The following ARMCX4 variants were observed in gnomAD, a reference collection of about 807,000 sequenced individuals.
ARMCX4 encodes armadillo repeat containing X-linked 4.
A neutral mutation model predicts 34.7 loss-of-function variants in ARMCX4; 3 were observed. The observed-to-expected ratio is 0.09, with a 90% CI of 0.04 to 0.22. The LOEUF (loss-of-function observed/expected upper bound fraction) is 0.22, where lower values mean the gene tolerates loss of function less well. Ranked by LOEUF, ARMCX4 falls within the 10% of genes least tolerant of loss-of-function variation. The pLI is 1.00. For missense variants in ARMCX4, 1,448 were observed against 1,720.8 expected (o/e 0.84, Z 2.81); for synonymous variants, 513 against 632.8 (o/e 0.81, Z 2.84).
chrX:101,466,057 A>G (rs1319786395), intron 4 of ARMCX4, among the ~76,000 whole-genome samples: 3 of 112,163 alleles, frequency 2.7e-5, no homozygotes, highest in Admixed American at 9.5e-5. Flanking sequence ...TGTTAAGGAA[A>G]TGAAAGCTGA....
downstream of ARMCX4, among the ~76,000 whole-genome samples, chrX:101,535,639 A>G (rs1412720679): frequency 1.8e-5 from 2 of 111,540 alleles, no homozygotes; most frequent in Admixed American, 1.9e-4. Context: ...TGGAAAAATG[A>G]CATTTCCAAT....
At chrX:101,431,745 G>A (rs1213320736) in intron 2 of ARMCX4, among the ~76,000 whole-genome samples, 7 of 111,351 alleles carry the variant, frequency 6.3e-5, no homozygotes, top group African/African-American at 1.3e-4. Flanking sequence ...GGGTTTCATT[G>A]TGTTAGCCAG....
chrX:101,481,755 T>C (rs868940738), upstream of ARMCX4, among the ~76,000 whole-genome samples: 51 of 111,633 alleles, frequency 4.6e-4, no homozygotes, highest in African/African-American at 1.5e-3. Context: ...AAGAAATTCT[T>C]CTACCTGTTG....
Position 101,495,269 on chromosome X carries a change from C to T in ARMCX4, c.6680C>T (p.Ser2227Leu). 8.7e-7 allele frequency: 1 copy of T among 1,143,001 alleles called. No homozygotes were observed. The highest frequency in any genetic ancestry group is 1.2e-6 in the Non-Finnish European group (1 of 862,753). 94.2% of individuals were successfully genotyped at this position (1,143,001 alleles called of 1,213,427 possible). ...ETKENILNAL[S>L]LFENINYHFK... Reference sequence around the variant, plus strand: ...AAGGAGAATATTCTTAATGCTCTTTCACTATTTGAAAATATAAATTACCAT... The same window carrying T: ...AAGGAGAATATTCTTAATGCTCTTTTACTATTTGAAAATATAAATTACCAT... The change falls in exon 6 of 6, where the codon TCA becomes TTA. Residue 2227 changes from serine to leucine, a missense_variant. Physicochemically the swap from Ser to Leu is moderately radical, Grantham distance 145. This residue lies in a region of ARMCX4 where 105 missense variants were observed against 180.2 expected (regional missense o/e 0.58). Coordinates refer to ENST00000423738, the MANE Select transcript of ARMCX4 (RefSeq NM_001256155.3).
chrX:101,458,264 C>G lies in ARMCX4; in HGVS notation c.-473+12220C>G, dbSNP rs371627966. ...TCAAATTTGCTGTTGCAATCATTTT[C>G]AAGTTGGCTCCTGAATGCTTTTGAC... On this transcript the variant is annotated intron_variant and NMD_transcript_variant, in intron 4 of 15. Transcript: ENST00000433011. 9.9e-5 allele frequency among the ~76,000 whole-genome samples: 11 copies of G among 111,090 alleles called. No individual in the cohort carries two copies. In the East Asian group the frequency reaches 3.1e-3, roughly 31 times the overall value.
chrX:101,459,341 A>C (rs1556000900), intron 4 of ARMCX4, among the ~76,000 whole-genome samples: 2 of 111,880 alleles, frequency 1.8e-5, no homozygotes, highest in African/African-American at 6.5e-5. Flanking sequence ...CTTCTTATAA[A>C]TCTTGGCAAT....
At chrX:101,458,517 C>CA (rs1388091413) in intron 4 of ARMCX4, among the ~76,000 whole-genome samples, 1 of 103,089 alleles carries the variant, frequency 9.7e-6, no homozygotes, top group African/African-American at 3.5e-5. Context: ...TATCCCCCCC[C>CA]TTTTTTTTTT....
Position 101,488,957 on chromosome X carries a change from C to A in ARMCX4, c.368C>A (p.Thr123Lys), listed in dbSNP as rs1234751833. The A allele has an allele frequency of 1.7e-6, 2 of 1,154,548 alleles. No homozygotes were observed. The highest frequency in any genetic ancestry group is 1.8e-5 in the African/African-American group (1 of 55,775). Residue 123 changes from threonine to lysine, a missense_variant, in exon 6 of 6, where the codon ACA (threonine) becomes AAA (lysine). Coordinates refer to ENST00000423738, the MANE Select transcript of ARMCX4 (RefSeq NM_001256155.3). Reference sequence around the variant, plus strand: ...TCTGAGTCCAAAGTGGTGGCTGGAACACTGGTCATGACAGAGGCAGTGACT... The same window carrying A: ...TCTGAGTCCAAAGTGGTGGCTGGAAAACTGGTCATGACAGAGGCAGTGACT... ...TQSESKVVAGTLVMTEAVTLT... is the reference protein window; with the variant it reads ...TQSESKVVAGKLVMTEAVTLT...
intron 2 of ARMCX4, among the ~76,000 whole-genome samples, chrX:101,433,247 T>TAC (rs78226665): frequency 2.5e-4 from 9 of 35,484 alleles, no homozygotes; most frequent in East Asian, 6.5e-4. Context: ...TATGTATATA[T>TAC]ACACACATAT....
At chrX:101,464,693 G>A (rs1239149863) in intron 4 of ARMCX4, among the ~76,000 whole-genome samples, 2 of 111,817 alleles carry the variant, frequency 1.8e-5, no homozygotes, top group Admixed American at 9.5e-5. Flanking sequence ...TCAGGATATG[G>A]CTGTGTTACA....
intron 2 of ARMCX4, among the ~76,000 whole-genome samples, chrX:101,432,667 A>C (rs782356264): frequency 1.3e-4 from 14 of 106,719 alleles, no homozygotes; most frequent in African/African-American, 3.1e-4. Context: ...CTCAAAAAAA[A>C]CCCCATGTAT....
intron 4 of ARMCX4, among the ~76,000 whole-genome samples, chrX:101,460,674 A>T (rs1870621589): frequency 8.9e-6 from 1 of 112,081 alleles, no homozygotes; most frequent in Non-Finnish European, 1.9e-5. Context: ...TTACTGAAAA[A>T]TTTAAAACAC....
upstream of ARMCX4, among the ~76,000 whole-genome samples, chrX:101,480,599 TA>T (rs782278245): frequency 8.1e-5 from 9 of 110,979 alleles, no homozygotes; most frequent in East Asian, 2.5e-3. Flanking sequence ...AAAAATACCA[TA>T]AAATTAAGAT....
At chrX:101,458,517 CT>C (rs1297100721) in intron 4 of ARMCX4, among the ~76,000 whole-genome samples, 120 of 102,962 alleles carry the variant, frequency 1.2e-3, no homozygotes, top group Middle Eastern at 5.0e-3. Flanking sequence ...TATCCCCCCC[CT>C]TTTTTTTTTT....
At chrX:101,439,377 G>A (rs1162675789) in intron 2 of ARMCX4, among the ~76,000 whole-genome samples, 3 of 111,533 alleles carry the variant, frequency 2.7e-5, no homozygotes, top group Non-Finnish European at 3.8e-5. Flanking sequence ...TGGGTAACCC[G>A]CCCTTTCTCT....
chrX:101,491,976 G>A lies in ARMCX4; in HGVS notation c.3387G>A (p.Trp1129Ter). 8.7e-7 allele frequency: 1 copy of A among 1,155,595 alleles called. No homozygotes were observed. The highest frequency in any genetic ancestry group is 1.1e-6 in the Non-Finnish European group (1 of 872,295). ...GAGACTGGGAAAATAGCGTGTCCTG[G>A]GCTGATGATGAGAATGAAGCCAGTA... The part of the protein sequence containing the change: ...MDGDWENSVS[W>*]ADDENEASIG... The change falls in exon 6 of 6, where the codon TGG becomes TGA. Residue 1129 changes from tryptophan (W) to a stop codon, truncating the protein, a stop_gained. Coordinates refer to ENST00000423738, the MANE Select transcript of ARMCX4 (RefSeq NM_001256155.3). LOFTEE classifies it low-confidence loss of function (END_TRUNC).
chrX:101,529,579 A>G (rs1603230594), intron 11 of ARMCX4, among the ~76,000 whole-genome samples: 1 of 111,759 alleles, frequency 8.9e-6, no homozygotes, highest in African/African-American at 3.3e-5. Flanking sequence ...TTTGCAATCT[A>G]CTCATCTGAC....
chrX:101,531,040 T>C (rs1193254274), intron 11 of ARMCX4, among the ~76,000 whole-genome samples: 1 of 112,027 alleles, frequency 8.9e-6, no homozygotes, highest in African/African-American at 3.2e-5. Flanking sequence ...AAGACTAAAA[T>C]GGGTTGAAAG....
chrX:101,523,019 G>C (rs1810441549), intron 11 of ARMCX4, among the ~76,000 whole-genome samples: 1 of 111,871 alleles, frequency 8.9e-6, no homozygotes, highest in South Asian at 3.8e-4. Flanking sequence ...TACAATTCGG[G>C]GAGTTAGGAA....
Sources: gnomAD v4.1 joint callset for allele counts (sites outside exome capture counted in the v4.1 genomes callset) on GRCh38, gnomAD v4.1.1 for gene constraint, gnomAD v4.1.1 regional missense constraint, MANE v1.5 for transcripts, NCBI Gene and HGNC (gene_info 2026-07-23, HGNC 2026-07-21) for gene names.